Variants in PDE4D observed in about 807,000 individuals in gnomAD.
PDE4D encodes phosphodiesterase 4D.
Under a neutral mutation model 87.4 loss-of-function variants are expected in PDE4D, and 24 were observed. The observed-to-expected ratio is 0.27, with a 90% CI of 0.20 to 0.39. The LOEUF is 0.39. PDE4D is among the 10% of genes least tolerant of loss of function. The pLI is 1.00. For missense variants in PDE4D, 714 were observed against 1,041.0 expected (o/e 0.69, Z 4.32); for synonymous variants, 384 against 383.2 (o/e 1.00, Z -0.02).
chr5:60,252,184 C>A (rs1339907211), intron 1 of PDE4D, among the ~76,000 whole-genome samples: 1 of 151,842 alleles, frequency 6.6e-6, no homozygotes, highest in Non-Finnish European at 1.5e-5. Flanking sequence ...TGATATATTT[C>A]TCAGATTGTA....
At chr5:59,231,276 T>A (rs1215210997) in intron 1 of PDE4D, among the ~76,000 whole-genome samples, 1 of 152,172 alleles carries the variant, frequency 6.6e-6, no homozygotes, top group Admixed American at 6.5e-5. Flanking sequence ...TATAGGAAAT[T>A]CTGCTTGTTG....
chr5:59,291,760 T>C (rs1351068592), intron 1 of PDE4D, among the ~76,000 whole-genome samples: 1 of 139,252 alleles, frequency 7.2e-6, no homozygotes, highest in Non-Finnish European at 1.5e-5. Flanking sequence ...TTTTTTTGAA[T>C]GGATAGCTTC....
chr5:60,497,324 C>T (rs1329607191), intron 1 of PDE4D, among the ~76,000 whole-genome samples: 2 of 107,104 alleles, frequency 1.9e-5, no homozygotes, highest in Non-Finnish European at 1.9e-5. Context: ...AATCACAATG[C>T]TAATTGGGGG....
At chr5:59,262,442 T>C (rs1211709933) in intron 1 of PDE4D, among the ~76,000 whole-genome samples, 1 of 151,042 alleles carries the variant, frequency 6.6e-6, no homozygotes, top group African/African-American at 2.4e-5. Context: ...AATTTCCTTC[T>C]TTTTTTTTAA....
Position 59,314,913 on chromosome 5 carries a change from A to G in PDE4D, c.456-98945T>C, listed in dbSNP as rs947788650. The G allele has an allele frequency of 4.0e-5, 6 of 151,022 alleles. 1 individual carries two copies. Among genetic ancestry groups the G allele is most frequent in the Admixed American group, 4.0e-4 (6 of 15,140 alleles). The allele number at this position is 151,022 out of a possible 1,614,324, so 9.4% of individuals were successfully genotyped here. On this transcript the variant is annotated intron_variant, in intron 1 of 14. Transcript: ENST00000340635. Reference sequence around the variant, plus strand: ...CAGGTGATAGATGCAGGAGGCAGATAAGAGGGAGGATCCCTGGAGAATCTC... The same window carrying G: ...CAGGTGATAGATGCAGGAGGCAGATGAGAGGGAGGATCCCTGGAGAATCTC...
intron 1 of PDE4D, among the ~76,000 whole-genome samples, chr5:59,262,424 T>A (rs1162549727): frequency 6.6e-6 from 1 of 151,948 alleles, no homozygotes; most frequent in Non-Finnish European, 1.5e-5. Context: ...TATTAAGGAT[T>A]AAGCCTTAAT....
intron 1 of PDE4D, among the ~76,000 whole-genome samples, chr5:59,884,769 T>C (rs1001313450): frequency 6.6e-6 from 1 of 152,070 alleles, no homozygotes; most frequent in African/African-American, 2.4e-5. Context: ...TATTGTTCAC[T>C]GAAAATGTAC....
chr5:60,322,245 T>G (rs1027438691), intron 1 of PDE4D, among the ~76,000 whole-genome samples: 23 of 152,144 alleles, frequency 1.5e-4, no homozygotes, highest in Admixed American at 1.5e-3. Flanking sequence ...GATCATGTCC[T>G]TTGCAGCAAC....
intron 1 of PDE4D, among the ~76,000 whole-genome samples, chr5:59,274,810 C>A (rs1250021485): frequency 6.6e-6 from 1 of 152,054 alleles, no homozygotes; most frequent in East Asian, 1.9e-4. Context: ...GGAATCATTT[C>A]TAATAAAATA....
chr5:59,218,974 CAT>C (rs1343326335), intron 1 of PDE4D, among the ~76,000 whole-genome samples: 1 of 136,816 alleles, frequency 7.3e-6, no homozygotes, highest in Non-Finnish European at 1.5e-5. Flanking sequence ...TATTCTCACT[CAT>C]AGGTGGGAAT....
chr5:60,292,545 C>T (rs779493551), intron 1 of PDE4D, among the ~76,000 whole-genome samples: 13 of 152,198 alleles, frequency 8.5e-5, no homozygotes, highest in Admixed American at 2.0e-4. Flanking sequence ...ATCCTACAGT[C>T]CTTCCAAACA....
intron 5 of PDE4D, among the ~76,000 whole-genome samples, chr5:59,169,816 T>C (rs1228275287): frequency 6.6e-6 from 1 of 152,040 alleles, no homozygotes; most frequent in East Asian, 1.9e-4. Flanking sequence ...CACCTGGGAG[T>C]ATTTGTTAAT....
intron 1 of PDE4D, among the ~76,000 whole-genome samples, chr5:59,433,476 T>G (rs911284934): frequency 6.6e-6 from 1 of 151,968 alleles, no homozygotes; most frequent in African/African-American, 2.4e-5. Context: ...GGGAAGAAAA[T>G]GGAATCTTTC....
intron 1 of PDE4D, among the ~76,000 whole-genome samples, chr5:60,436,848 G>C (rs1418245363): frequency 6.6e-6 from 1 of 152,020 alleles, no homozygotes; most frequent in Non-Finnish European, 1.5e-5. Flanking sequence ...TTTAAGTGCT[G>C]ATATTTGACA....
rs559667912 is a variant in PDE4D, at chr5:59,556,623, G to A, written c.455+336545C>T. ...GAGAAATGGATGTTGTGTTCTTCTC[G>A]TCTAGCATTTCTTTTGTTTTCCTGC... On this transcript the variant is annotated intron_variant, in intron 1 of 14. Coordinates refer to ENST00000340635, the MANE Select transcript of PDE4D (RefSeq NM_001104631.2). Among the ~76,000 whole-genome samples the A allele has an allele frequency of 8.7e-4, 133 of 152,108 alleles. 1 individual carries two copies. The highest frequency in any genetic ancestry group is 1.0e-3 in the Non-Finnish European group (70 of 68,008).
chr5:59,685,155 G>A (rs1749643146), intron 1 of PDE4D, among the ~76,000 whole-genome samples: 1 of 152,166 alleles, frequency 6.6e-6, no homozygotes, highest in Admixed American at 6.5e-5. Context: ...TTGTGCCAAG[G>A]CAGGATAAAT....
chr5:60,468,039 T>C lies in PDE4D; in HGVS notation c.-90+19903A>G, dbSNP rs1370713337. On this transcript the variant is annotated intron_variant, in intron 1 of 16. Transcript: ENST00000502484. ...AGGAAAGTCCTATGATAATACCTTG[T>C]AGAACCAAGCCACTCAACCAGTCCA... Among the ~76,000 whole-genome samples the C allele has an allele frequency of 2.6e-5, 4 of 152,150 alleles. No individual in the cohort carries two copies. In the East Asian group the frequency reaches 5.8e-4, roughly 22 times the overall value.
At chr5:58,976,034 C>G (rs1272557046) in intron 13 of PDE4D, among the ~76,000 whole-genome samples, 195 bp from the exon 14 acceptor site, 1 of 152,164 alleles carries the variant, frequency 6.6e-6, no homozygotes, top group Non-Finnish European at 1.5e-5. Context: ...AATTATGCCA[C>G]TTCTACTGCA....
chr5:59,264,291 A>T (rs543005840), intron 1 of PDE4D, among the ~76,000 whole-genome samples: 1 of 152,170 alleles, frequency 6.6e-6, no homozygotes, highest in African/African-American at 2.4e-5. Flanking sequence ...AGTTGCCCAT[A>T]GATTAAAAAG....
Sources: allele counts gnomAD v4.1 joint callset (sites outside exome capture counted in the v4.1 genomes callset), GRCh38; gene constraint gnomAD v4.1.1; transcripts MANE v1.5; gene names NCBI Gene and HGNC (gene_info 2026-07-23, HGNC 2026-07-21).